PCDHGA10: variants seen among roughly 807,000 people sequenced by gnomAD.
PCDHGA10 encodes the protein protocadherin gamma subfamily A, 10, also known as protocadherin gamma-A10.
In PCDHGA10, 42 loss-of-function variants were observed where a neutral mutation model predicts 59.5. That is an observed-to-expected ratio of 0.71 (90% confidence interval 0.55 to 0.91). The LOEUF (loss-of-function observed/expected upper bound fraction) is 0.91, where lower values mean the gene tolerates loss of function less well. Ranked by LOEUF, PCDHGA10 falls within the 40% of genes least tolerant of loss-of-function variation. The probability of loss-of-function intolerance (pLI) is 0.00; values close to 1 mark genes in which losing one functional copy is unlikely to be tolerated. For synonymous variants in PCDHGA10, 511 were observed against 517.2 expected, an observed-to-expected ratio of 0.99 and a Z score of 0.16; for missense variants, 1,111 against 1,198.2, an observed-to-expected ratio of 0.93 and a Z score of 1.07.
At chr5:141,498,967 GGGAGGGAA>G (rs1395523211) in intron 2 of PCDHGA10, among the ~76,000 whole-genome samples, 34 of 129,670 alleles carry the variant, frequency 2.6e-4, no homozygotes, top group Admixed American at 1.5e-3. Flanking sequence ...GAGGGAGGGA[GGGAGGGAA>G]GGAAGGAAGG....
chr5:141,491,119 G>A lies in PCDHGA10; in HGVS notation c.2437-3688G>A. 6.2e-7 allele frequency: 1 copy of A among 1,614,216 alleles called. No individual in the cohort carries two copies. The highest frequency in any genetic ancestry group is 1.1e-5 in the South Asian group (1 of 91,086). ...GTTCCTCGTGTCTACACACACTGGT[G>A]AGGTGCGCACAGCCCGGGCCTTACT... On this transcript the variant is annotated intron_variant, in intron 1 of 3. Transcript: ENST00000398610. The surrounding 1 kb of genome is among the most constrained non-coding windows in gnomAD (Gnocchi z 6.9).
At chr5:141,444,492 T>C (rs1052885639) in intron 1 of PCDHGA10, among the ~76,000 whole-genome samples, 1 of 152,122 alleles carries the variant, frequency 6.6e-6, no homozygotes, top group East Asian at 1.9e-4. Context: ...TTATATTGTG[T>C]AATACTTTGC....
At chr5:141,445,938 G>A (rs2098482293) in intron 1 of PCDHGA10, among the ~76,000 whole-genome samples, 1 of 152,196 alleles carries the variant, frequency 6.6e-6, no homozygotes, top group Non-Finnish European at 1.5e-5. Flanking sequence ...GAATTATTAA[G>A]CTTACTCTGG....
chr5:141,427,907 C>T, intron 1 of PCDHGA10: 1 of 1,575,688 alleles, frequency 6.3e-7, no homozygotes, highest in Non-Finnish European at 8.7e-7. Flanking sequence ...CCGCGCTCAG[C>T]GCCAACATGA....
At chr5:141,421,189 C>G in intron 1 of PCDHGA10, 1 of 1,477,674 alleles carries the variant, frequency 6.8e-7, no homozygotes, top group Non-Finnish European at 9.0e-7. Flanking sequence ...CACAACCAAC[C>G]AGCTCGAGAA....
intron 1 of PCDHGA10, chr5:141,440,723 T>C (rs2098196558): frequency 6.6e-6 from 1 of 152,178 alleles, no homozygotes; most frequent in Non-Finnish European, 1.5e-5. Flanking sequence ...GTTGATCCTG[T>C]GTTAGAGAAG....
At position 141,487,892 on chromosome 5, in the gene PCDHGA10, T is replaced by C; in HGVS notation, c.2437-6915T>C. The C allele has an allele frequency of 2.7e-6, 2 of 731,410 alleles. No individual in the cohort carries two copies. The highest frequency in any genetic ancestry group is 4.4e-6 in the Non-Finnish European group (2 of 450,094). 45.3% of individuals were successfully genotyped at this position (731,410 alleles called of 1,614,324 possible). On this transcript the variant is annotated intron_variant, in intron 1 of 3. Coordinates refer to ENST00000398610, the MANE Select transcript of PCDHGA10 (RefSeq NM_018913.3). This position sits in a 1 kb window ranked among gnomAD's most constrained non-coding sequence, Gnocchi z 5.0. ...GAGCCAGGCTGTTGTGGAAGCATGA[T>C]GATGGAATGTGGGAGCACAGGAGGC...
rs201378410 is a variant in PCDHGA10, at chr5:141,414,802, G to T, written c.1627G>T (p.Asp543Tyr). ...QMQVTASDSG[D>Y]PPLSSNVSLS... Reference sequence around the variant, plus strand: ...GCAGGTGACAGCCAGCGACAGCGGGGATCCTCCACTCAGCAGCAACGTGTC... The same window carrying T: ...GCAGGTGACAGCCAGCGACAGCGGGTATCCTCCACTCAGCAGCAACGTGTC... The change falls in exon 1 of 4, where the codon GAT becomes TAT. Residue 543 changes from aspartate to tyrosine, a missense_variant. Asp to Tyr is a radical substitution (Grantham distance 160). Coordinates refer to ENST00000398610, the MANE Select transcript of PCDHGA10 (RefSeq NM_018913.3). The T allele has an allele frequency of 4.3e-6, 7 of 1,614,226 alleles. No homozygotes were observed. The African/African-American group carries it at 8.0e-5, about 18-fold the overall frequency.
chr5:141,503,713 C>T (rs867005984), intron 2 of PCDHGA10, among the ~76,000 whole-genome samples: 6 of 152,134 alleles, frequency 3.9e-5, no homozygotes, highest in Non-Finnish European at 8.8e-5. Context: ...TCCCCTTCAA[C>T]CCTAGCTTTA....
Position 141,423,519 on chromosome 5 carries a change from G to A in PCDHGA10, c.2436+7908G>A, listed in dbSNP as rs758742300. On this transcript the variant is annotated intron_variant, in intron 1 of 3. Coordinates refer to ENST00000398610, the MANE Select transcript of PCDHGA10 (RefSeq NM_018913.3). ...ACGAGGTCTCTCTCATTGCGGACTC[G>A]CAGAAGAGTCACCTGATTTTCCCCC... 8.1e-6 allele frequency: 13 copies of A among 1,613,752 alleles called. 1 individual carries two copies. In the South Asian group the frequency reaches 1.1e-4, roughly 14 times the overall value.
rs528233301 is a variant in PCDHGA10, at chr5:141,413,374, G to A, written c.199G>A (p.Gly67Arg). The change falls in exon 1 of 4, where the codon GGA becomes AGA. Residue 67 changes from glycine (G) to arginine (R), a missense_variant. Gly to Arg is a moderately radical substitution (Grantham distance 125, BLOSUM62 -2). Coordinates refer to ENST00000398610, the MANE Select transcript of PCDHGA10 (RefSeq NM_018913.3). ...GGCGCCCCGGGAGCTGGCGGAGCGCGGAGTCCGCATAGTCTCCAGAGGTAG... is the reference window on the plus strand; with the variant it reads ...GGCGCCCCGGGAGCTGGCGGAGCGCAGAGTCCGCATAGTCTCCAGAGGTAG... ...GLAPRELAER[G>R]VRIVSRGRTQ... is the part of the protein sequence containing the mutation. 6.2e-7 allele frequency: 1 copy of A among 1,613,946 alleles called. No individual in the cohort carries two copies. The highest frequency in any genetic ancestry group is 2.2e-5 in the East Asian group (1 of 44,870).
intron 1 of PCDHGA10, chr5:141,418,921 T>A (rs897705216): frequency 1.9e-6 from 3 of 1,613,928 alleles, no homozygotes; most frequent in Admixed American, 3.3e-5. Context: ...CACTCTCTGA[T>A]CAGATTATGG....
chr5:141,415,284 G>T lies in PCDHGA10; in HGVS notation c.2109G>T (p.Ala703=), dbSNP rs186109113. 6.2e-7 allele frequency: 1 copy of T among 1,614,198 alleles called. No individual in the cohort carries two copies. Among genetic ancestry groups the T allele is most frequent in the East Asian group, 2.2e-5 (1 of 44,884 alleles). The change falls in exon 1 of 4, where the codon GCG becomes GCT. Residue 703 remains alanine, a synonymous_variant. Coordinates refer to ENST00000398610, the MANE Select transcript of PCDHGA10 (RefSeq NM_018913.3). Reference sequence around the variant, plus strand: ...TGTACCTGGTGGTAGCGGTGGCCGCGGTCTCCTGCGTCTTCCTGGCCTTCG... The same window carrying T: ...TGTACCTGGTGGTAGCGGTGGCCGCTGTCTCCTGCGTCTTCCTGGCCTTCG... ...LTLYLVVAVA[A]VSCVFLAFVI...
At chr5:141,418,248 C>G (rs372067603) in intron 1 of PCDHGA10, 1 of 1,614,000 alleles carries the variant, frequency 6.2e-7, no homozygotes, top group Admixed American at 1.7e-5. Context: ...AATGACCACG[C>G]CCCTCAATTC....
At position 141,512,280 on chromosome 5, in the gene PCDHGA10, TGGAAGGGTCAGC is replaced by T. The variant is rs1187119941; in HGVS notation, c.*1111_*1122del. The T allele has an allele frequency of 1.3e-5, 2 of 152,682 alleles. No individual in the cohort carries two copies. Among genetic ancestry groups the T allele is most frequent in the African/African-American group, 2.4e-5 (1 of 41,396 alleles). 9.5% of individuals were successfully genotyped at this position (152,682 alleles called of 1,614,324 possible). ...CTGGGTACTCCAGAGGTGCCACTGGTGGAAGGGTCAGCGGAGCCCCAGCAGGAAGGGTGGGCC... is the reference window on the plus strand; with the variant it reads ...CTGGGTACTCCAGAGGTGCCACTGGTGGAGCCCCAGCAGGAAGGGTGGGCC... On this transcript the variant is annotated 3_prime_UTR_variant, in exon 4 of 4. Transcript: ENST00000398610.
intron 1 of PCDHGA10, chr5:141,426,796 T>C (rs1053668481): frequency 8.8e-6 from 4 of 456,720 alleles, no homozygotes. Context: ...AGTTACCAGC[T>C]CAGTTCTAAT....
chr5:141,432,934 G>A lies in PCDHGA10; in HGVS notation c.2436+17323G>A. The stretch of plus-strand genomic sequence containing the variant: ...GGCGCTGGCACAAGTCACGCCTGCT[G>A]CAGGCTTCAGGAGGCGGCTTGACAG... On this transcript the variant is annotated intron_variant, in intron 1 of 3. Transcript: ENST00000398610. This position sits in a 1 kb window ranked among gnomAD's most constrained non-coding sequence, Gnocchi z 6.0. 1.9e-6 allele frequency: 3 copies of A among 1,614,196 alleles called. No individual in the cohort carries two copies. Among genetic ancestry groups the A allele is most frequent in the Non-Finnish European group, 2.5e-6 (3 of 1,180,040 alleles).
At chr5:141,499,828 A>G (rs921957227) in intron 2 of PCDHGA10, among the ~76,000 whole-genome samples, 1 of 151,834 alleles carries the variant, frequency 6.6e-6, no homozygotes, top group Non-Finnish European at 1.5e-5. Context: ...CTAGGATTAC[A>G]GGTGTGCACC....
In PCDHGA10 at chr5:141,415,514, C is replaced by G; in HGVS notation, c.2339C>G (p.Ala780Gly). 2 of 1,614,178 alleles carry G rather than the reference C, an allele frequency of 1.2e-6. No individual in the cohort carries two copies. The highest frequency in any genetic ancestry group is 8.5e-7 in the Non-Finnish European group (1 of 1,180,022). Residue 780 changes from alanine to glycine, a missense_variant, in exon 1 of 4, where the codon GCG becomes GGG. Physicochemically the swap from Ala to Gly is moderately conservative, Grantham distance 60 (BLOSUM62 0). Coordinates refer to ENST00000398610, the MANE Select transcript of PCDHGA10 (RefSeq NM_018913.3). ...SHLIFPQPNY[A>G]DTLISQESCE... Reference sequence around the variant, plus strand: ...CTGATCTTCCCCCAGCCCAATTATGCGGACACGCTCATCAGCCAGGAGAGC... The same window carrying G: ...CTGATCTTCCCCCAGCCCAATTATGGGGACACGCTCATCAGCCAGGAGAGC...
Sources: allele counts gnomAD v4.1 joint callset (sites outside exome capture counted in the v4.1 genomes callset), GRCh38; gene constraint gnomAD v4.1.1; non-coding constraint Gnocchi (gnomAD v3.1); transcripts MANE v1.5; gene names NCBI Gene and HGNC (gene_info 2026-07-23, HGNC 2026-07-21).